RNF123: variants seen among roughly 807,000 people sequenced by gnomAD.
RNF123 encodes the protein E3 ubiquitin-protein ligase RNF123.
RNF123 carries 86 observed loss-of-function variants against 168.5 expected under a neutral mutation model. The observed-to-expected ratio is 0.51, with a 90% CI of 0.43 to 0.61. The LOEUF (loss-of-function observed/expected upper bound fraction) is 0.61, where lower values mean the gene tolerates loss of function less well. Among genes scored for constraint, RNF123 ranks in the 20% least tolerant of loss-of-function variants. RNF123 has a pLI of 0.00. For synonymous variants in RNF123, 666 were observed against 689.1 expected (o/e 0.97, Z 0.52); for missense variants, 1,419 against 1,729.7 (o/e 0.82, Z 3.19).
At chr3:49,711,181 C>A (rs2080138272) in intron 26 of RNF123, among the ~76,000 whole-genome samples, 1 of 152,166 alleles carries the variant, frequency 6.6e-6, no homozygotes, top group Non-Finnish European at 1.5e-5. Flanking sequence ...CCTAAAAATA[C>A]AAAAATTAGC....
At chr3:49,716,856 A>G (rs1306370712) in intron 35 of RNF123, 2 of 195,958 alleles carry the variant, frequency 1.0e-5, no homozygotes, top group Admixed American at 1.1e-4. Flanking sequence ...AGCAATAAGC[A>G]TGTGCTACCT....
intron 35 of RNF123, chr3:49,718,712 A>C: frequency 6.2e-7 from 1 of 1,612,998 alleles, no homozygotes; most frequent in Non-Finnish European, 8.5e-7. Context: ...TTGAAGGCCA[A>C]GCATACGTAC....
In RNF123 at chr3:49,721,318, G is replaced by T. The variant is rs752265029; in HGVS notation, c.*13G>T. ...CTCAGCTGCCTAGCCCTCACAGCCT[G>T]TGCCATCCTGGAACCTCCACCTTTG... On this transcript the variant is annotated 3_prime_UTR_variant, in exon 39 of 39. Transcript: ENST00000327697. 3.1e-6 allele frequency: 5 copies of T among 1,614,146 alleles called. No individual in the cohort carries two copies. Among genetic ancestry groups the T allele is most frequent in the Non-Finnish European group, 4.2e-6 (5 of 1,180,016 alleles).
intron 26 of RNF123, among the ~76,000 whole-genome samples, chr3:49,707,860 T>C (rs1462040721): frequency 6.6e-6 from 1 of 152,136 alleles, no homozygotes; most frequent in East Asian, 1.9e-4. Context: ...CCTCAGAAGT[T>C]TGGCTGCCCT....
intron 3 of RNF123, among the ~76,000 whole-genome samples, chr3:49,694,247 G>C (rs1353062885): frequency 6.6e-6 from 1 of 152,130 alleles, no homozygotes; most frequent in African/African-American, 2.4e-5. Context: ...TACTTAAAGT[G>C]TACAATTTGA....
rs1193852113 is a variant in RNF123, at chr3:49,720,814, A to G, written c.3658A>G (p.Ser1220Gly). 5 of 1,614,088 alleles carry G rather than the reference A, an allele frequency of 3.1e-6. No individual in the cohort carries two copies. The Admixed American group carries it at 8.3e-5, about 27-fold the overall frequency. Reference protein sequence around the residue: ...FSLQSYADYISADELAQVEQM... With the variant: ...FSLQSYADYIGADELAQVEQM... The stretch of plus-strand genomic sequence containing the variant: ...CCACTCCCCAGATGCGGATTATATC[A>G]GTGCCGATGAGCTGGCCCAAGTGGA... The change falls in exon 37 of 39, where the codon AGT becomes GGT. Residue 1220 changes from serine to glycine, a missense_variant. By Grantham distance (56) the Ser-to-Gly change is moderately conservative. Transcript: ENST00000327697.
intron 35 of RNF123, chr3:49,719,528 C>T (rs1231478427): frequency 3.6e-6 from 5 of 1,372,344 alleles, no homozygotes; most frequent in Non-Finnish European, 5.0e-6. Flanking sequence ...AGGACTCACC[C>T]TCTTCTGCTC....
chr3:49,721,054 A>G lies in RNF123; in HGVS notation c.3773A>G (p.Tyr1258Cys), dbSNP rs1202588073. The G allele has an allele frequency of 1.9e-6, 3 of 1,613,702 alleles. No homozygotes were observed. The highest frequency in any genetic ancestry group is 1.7e-6 in the Non-Finnish European group (2 of 1,179,800). Residue 1258 changes from tyrosine to cysteine, a missense_variant, in exon 38 of 39, where the codon TAT becomes TGT. By Grantham distance (194) the Tyr-to-Cys change is radical. Coordinates refer to ENST00000327697, the MANE Select transcript of RNF123 (RefSeq NM_022064.5). ...GAGGAGGACCTCTGCCCCATCTGCT[A>G]TGCCCACCCCATCTCTGCTGTGTTC... ...TSEEDLCPIC[Y>C]AHPISAVFQP...
chr3:49,714,051 C>T (rs1452814677), intron 30 of RNF123, 39 bp from the exon 31 acceptor site: 4 of 1,613,560 alleles, frequency 2.5e-6, no homozygotes, highest in Admixed American at 1.7e-5. Context: ...AGAGGGTGCG[C>T]TGTCCCATTG....
chr3:49,700,025 G>A (rs1181200188), intron 12 of RNF123: 46 of 729,304 alleles, frequency 6.3e-5, no homozygotes, highest in Non-Finnish European at 9.1e-5. Context: ...AGGAAACTGC[G>A]TGTGCCAAGC....
At chr3:49,719,314 C>G (rs1351100295) in intron 35 of RNF123, 1 of 1,613,250 alleles carries the variant, frequency 6.2e-7, no homozygotes, top group Admixed American at 1.7e-5. Flanking sequence ...GTCCTGCAGC[C>G]CTAGGCCAGT....
intron 25 of RNF123, among the ~76,000 whole-genome samples, chr3:49,706,483 C>T (rs529973451): frequency 1.1e-4 from 17 of 152,246 alleles, no homozygotes; most frequent in Admixed American, 6.5e-5. Context: ...GACCTGTCAG[C>T]AGATCCCTGG....
Position 49,715,804 on chromosome 3 carries a change from C to T in RNF123, c.3151-18C>T. The T allele has an allele frequency of 6.2e-7, 1 of 1,613,882 alleles. No individual in the cohort carries two copies. The highest frequency in any genetic ancestry group is 8.5e-7 in the Non-Finnish European group (1 of 1,179,870). On this transcript the variant is annotated intron_variant, in intron 32 of 38. Coordinates refer to ENST00000327697, the MANE Select transcript of RNF123 (RefSeq NM_022064.5). ...AGCCAGGTGCTGACCACTGCATGCC[C>T]ACGTGTTGGTGGCTCAGATCCAGCA...
intron 30 of RNF123, 27 bp from the exon 31 acceptor site, chr3:49,714,063 C>T: frequency 6.2e-7 from 1 of 1,613,866 alleles, no homozygotes. Flanking sequence ...GTCCCATTGA[C>T]CTGGGCACTG....
At chr3:49,689,938 C>T (rs2054088265) in intron 1 of RNF123, 2 of 152,184 alleles carry the variant, frequency 1.3e-5, no homozygotes, top group African/African-American at 4.8e-5. Flanking sequence ...CAACTGACTC[C>T]CGGAGCCCAC....
intron 12 of RNF123, 191 bp from the exon 13 acceptor site, chr3:49,700,036 C>T: frequency 1.3e-6 from 1 of 784,120 alleles, no homozygotes. Flanking sequence ...TGTGCCAAGC[C>T]TTAGAGGAGC....
chr3:49,691,259 C>T lies in RNF123; in HGVS notation c.82+12C>T, dbSNP rs2054157658. 1.1e-5 allele frequency: 17 copies of T among 1,613,044 alleles called. No homozygotes were observed. The highest frequency in any genetic ancestry group is 2.2e-5 in the East Asian group (1 of 44,882). Reference sequence around the variant, plus strand: ...ATCCAGGGTCACAGGTAAGAGCTGGCAGGGAAGGAAGGAGGCTCCTCTTGT... The same window carrying T: ...ATCCAGGGTCACAGGTAAGAGCTGGTAGGGAAGGAAGGAGGCTCCTCTTGT... On this transcript the variant is annotated intron_variant, in intron 2 of 38. Coordinates refer to ENST00000327697, the MANE Select transcript of RNF123 (RefSeq NM_022064.5).
At chr3:49,718,815 G>A (rs1390621845) in intron 35 of RNF123, 4 of 1,613,246 alleles carry the variant, frequency 2.5e-6, no homozygotes, top group East Asian at 4.5e-5. Context: ...AAGGGTTGTT[G>A]TGCAAGTAGA....
In RNF123 at chr3:49,701,520, T is replaced by A; in HGVS notation, c.1307T>A (p.Phe436Tyr). The part of the protein sequence containing the change: ...LFDVLRSVVF[F>Y]YIKSPLRVEE... ...GACGTGCTCCGCTCCGTCGTCTTCT[T>A]TTACATCAAGAGCCCCCTGCGTGTG... The change falls in exon 16 of 39, where the codon TTT (phenylalanine) becomes TAT (tyrosine). Residue 436 changes from phenylalanine to tyrosine, a missense_variant. By Grantham distance (22) the Phe-to-Tyr change is conservative. This residue lies in a region of RNF123 where 349 missense variants were observed against 344.9 expected (regional missense o/e 1.01). Coordinates refer to ENST00000327697, the MANE Select transcript of RNF123 (RefSeq NM_022064.5). The A allele has an allele frequency of 3.7e-6, 6 of 1,613,746 alleles. No individual in the cohort carries two copies. The highest frequency in any genetic ancestry group is 5.1e-6 in the Non-Finnish European group (6 of 1,179,986).
Sources: allele counts gnomAD v4.1 joint callset (sites outside exome capture counted in the v4.1 genomes callset), GRCh38; gene constraint gnomAD v4.1.1; regional missense constraint gnomAD v4.1.1; transcripts MANE v1.5; gene names NCBI Gene and HGNC (gene_info 2026-07-23, HGNC 2026-07-21).